F5: variants seen among roughly 807,000 people sequenced by gnomAD.
F5 encodes coagulation factor V, also known as activated protein c cofactor.
F5 carries 138 observed loss-of-function variants against 216.4 expected under a neutral mutation model. The ratio of observed to expected loss-of-function variants is 0.64; its 90% CI spans 0.56 to 0.73. The LOEUF (loss-of-function observed/expected upper bound fraction) is 0.73. F5 is among the 30% of genes least tolerant of loss of function. The pLI is 0.00. For synonymous variants in F5, 916 were observed against 930.7 expected, an observed-to-expected ratio of 0.98 and a Z score of 0.29; for missense variants, 2,403 against 2,674.0, an observed-to-expected ratio of 0.90 and a Z score of 2.24.
chr1:169,568,712 C>G (rs1660663619), intron 3 of F5, among the ~76,000 whole-genome samples: 1 of 152,056 alleles, frequency 6.6e-6, no homozygotes, highest in Non-Finnish European at 1.5e-5. Context: ...AGTCGATAGT[C>G]AGCTTTGTAT....
chr1:169,559,035 T>A, intron 5 of F5, 118 bp downstream of exon 5: 1 of 1,052,336 alleles, frequency 9.5e-7, no homozygotes, highest in Non-Finnish European at 1.5e-6. Flanking sequence ...ATTTCCTTCT[T>A]GATAGGGAGT....
intron 3 of F5, among the ~76,000 whole-genome samples, chr1:169,566,027 A>C (rs1299632912): frequency 6.6e-6 from 1 of 152,172 alleles, no homozygotes; most frequent in East Asian, 1.9e-4. Flanking sequence ...AGCAGGAAGC[A>C]TTATCTGTGA....
intron 21 of F5, among the ~76,000 whole-genome samples, chr1:169,521,833 A>G (rs1275130711): frequency 1.3e-5 from 2 of 151,598 alleles, no homozygotes; most frequent in African/African-American, 4.8e-5. Context: ...GTTGGTCAGG[A>G]TGGTCTTGAT....
chr1:169,519,070 T>C (rs1310704447), intron 22 of F5, among the ~76,000 whole-genome samples: 1 of 152,236 alleles, frequency 6.6e-6, no homozygotes, highest in Non-Finnish European at 1.5e-5. Context: ...ATGTACCCTT[T>C]GGAATTTTTC....
intron 11 of F5, 131 bp from the exon 12 acceptor site, chr1:169,544,639 A>C (rs1386631316): frequency 6.4e-6 from 5 of 776,426 alleles, no homozygotes; most frequent in Non-Finnish European, 1.1e-5. Context: ...GATAAGCTTT[A>C]TCTAGTCTAA....
At chr1:169,584,967 T>A (rs1368313158) in intron 1 of F5, among the ~76,000 whole-genome samples, 1 of 152,164 alleles carries the variant, frequency 6.6e-6, no homozygotes, top group African/African-American at 2.4e-5. Context: ...GCTTGTTATT[T>A]TCAACGCTAA....
intron 24 of F5, among the ~76,000 whole-genome samples, chr1:169,515,238 T>C (rs909823961): frequency 2.0e-4 from 31 of 152,116 alleles, no homozygotes; most frequent in African/African-American, 7.2e-4. Context: ...TATCCTCCTA[T>C]GAGGGCAACC....
chr1:169,572,726 T>A (rs2101840253), intron 2 of F5, among the ~76,000 whole-genome samples: 1 of 152,280 alleles, frequency 6.6e-6, no homozygotes, highest in East Asian at 1.9e-4. Flanking sequence ...TTCTCTGACA[T>A]GGGTGTGCTC....
intron 11 of F5, 115 bp downstream of exon 11, chr1:169,546,327 G>C: frequency 8.0e-7 from 1 of 1,250,576 alleles, no homozygotes; most frequent in Non-Finnish European, 1.1e-6. Context: ...TGGAAGTGAG[G>C]ATTGGAGGTG....
At chr1:169,543,461 G>A (rs569206188) in intron 12 of F5, among the ~76,000 whole-genome samples, 1 of 152,272 alleles carries the variant, frequency 6.6e-6, no homozygotes, top group East Asian at 1.9e-4. Flanking sequence ...AGCACAGATA[G>A]TTGCTCACTA....
At chr1:169,521,412 T>C (rs1287895614) in intron 21 of F5, among the ~76,000 whole-genome samples, 2 of 152,118 alleles carry the variant, frequency 1.3e-5, no homozygotes, top group East Asian at 3.9e-4. Flanking sequence ...GAACAATCCC[T>C]TCTTAGGTGG....
chr1:169,519,876 G>A (rs1659252994), intron 22 of F5, among the ~76,000 whole-genome samples: 1 of 152,156 alleles, frequency 6.6e-6, no homozygotes, highest in Non-Finnish European at 1.5e-5. Context: ...TGCTTTAAGA[G>A]TCCAAGAAGA....
In F5 at chr1:169,515,645, C is replaced by T. The variant is rs746504481; in HGVS notation, c.6346-19G>A. 1 of 1,610,166 alleles carries T rather than the reference C, an allele frequency of 6.2e-7. No homozygotes were observed. The highest frequency in any genetic ancestry group is 8.5e-7 in the Non-Finnish European group (1 of 1,178,602). On this transcript the variant is annotated intron_variant, in intron 23 of 24. Coordinates refer to ENST00000367797, the MANE Select transcript of F5 (RefSeq NM_000130.5). ...TGTTTGCCTATGAAAATGACAAAAACACATAGATAAGGAAGATGTTAAAAC... is the reference window on the plus strand; with the variant it reads ...TGTTTGCCTATGAAAATGACAAAAATACATAGATAAGGAAGATGTTAAAAC...
At chr1:169,579,771 A>C (rs1660948743) in intron 2 of F5, among the ~76,000 whole-genome samples, 1 of 152,218 alleles carries the variant, frequency 6.6e-6, no homozygotes, top group South Asian at 2.1e-4. Flanking sequence ...CTTCTCTGCT[A>C]TCTGGATTGA....
chr1:169,554,497 T>C (rs1358428284), intron 7 of F5, among the ~76,000 whole-genome samples: 1 of 152,234 alleles, frequency 6.6e-6, no homozygotes, highest in East Asian at 1.9e-4. Flanking sequence ...ACTACTAACG[T>C]TGCAACAGTG....
chr1:169,526,426 A>G (rs1659451116), intron 17 of F5, among the ~76,000 whole-genome samples: 2 of 152,156 alleles, frequency 1.3e-5, no homozygotes, highest in South Asian at 4.1e-4. Context: ...AAATAAAAAT[A>G]AAACCTTCTT....
At chr1:169,557,181 C>T (rs1660352135) in intron 5 of F5, among the ~76,000 whole-genome samples, 1 of 152,206 alleles carries the variant, frequency 6.6e-6, no homozygotes, top group Non-Finnish European at 1.5e-5. Flanking sequence ...AAGAAGGTAA[C>T]CGACTGTTCT....
rs1018195998 is a variant in F5 at position 169,578,671 on chromosome 1, A to G, written c.250+3760T>C. ...TAATTTAATTAAATAGTTCTTAAGT[A>G]TCTATTGTACATGCTAAGCTTGGAG... On this transcript the variant is annotated intron_variant, in intron 2 of 24. Coordinates refer to ENST00000367797, the MANE Select transcript of F5 (RefSeq NM_000130.5). 5.9e-5 allele frequency among the ~76,000 whole-genome samples: 9 copies of G among 152,190 alleles called. No individual in the cohort carries two copies. The East Asian group carries it at 1.7e-3, about 29-fold the overall frequency.
chr1:169,526,043 T>A (rs772392031), intron 17 of F5, 26 bp from the exon 18 acceptor site: 1 of 1,490,058 alleles, frequency 6.7e-7, no homozygotes, highest in East Asian at 2.3e-5. Flanking sequence ...CAACATTACA[T>A]TTGCAAAAAT....
Sources: gnomAD v4.1 joint callset for allele counts (sites outside exome capture counted in the v4.1 genomes callset) on GRCh38, gnomAD v4.1.1 for gene constraint, MANE v1.5 for transcripts, NCBI Gene and HGNC (gene_info 2026-07-23, HGNC 2026-07-21) for gene names.